The following LEKR1 variants were observed in gnomAD, a reference collection of about 807,000 sequenced individuals.
LEKR1 encodes leucine, glutamate and lysine rich 1, also known as protein LEKR1.
Under a neutral mutation model 72.4 loss-of-function variants are expected in LEKR1, and 59 were observed. The ratio of observed to expected loss-of-function variants is 0.82; its 90% CI spans 0.66 to 1.01. LEKR1 has a LOEUF of 1.01. LEKR1 is among the 50% of genes least tolerant of loss of function. The pLI is 0.00. For synonymous variants in LEKR1, 257 were observed against 263.2 expected (o/e 0.98, Z 0.23); for missense variants, 728 against 759.2 (o/e 0.96, Z 0.48).
Position 157,045,766 on chromosome 3 carries a change from A to C in LEKR1, c.*16A>C. 1 of 1,601,072 alleles carries C rather than the reference A, an allele frequency of 6.2e-7. No homozygotes were observed. Among genetic ancestry groups the C allele is most frequent in the Non-Finnish European group, 8.5e-7 (1 of 1,177,316 alleles). On this transcript the variant is annotated 3_prime_UTR_variant, in exon 13 of 13. Transcript: ENST00000356539. ...TCAGCAATGATCCAAAATGAGGAGC[A>C]GGAAGCTCCCTACAGCGTGCACGCT...
intron 7 of LEKR1, among the ~76,000 whole-genome samples, chr3:156,983,860 C>T (rs1455879150): frequency 6.6e-6 from 1 of 152,106 alleles, no homozygotes; most frequent in African/African-American, 2.4e-5. Flanking sequence ...GACAAGCAAA[C>T]AGAGGATCTT....
intron 5 of LEKR1, among the ~76,000 whole-genome samples, chr3:156,929,233 C>T (rs1724991983): frequency 6.6e-6 from 1 of 151,542 alleles, no homozygotes; most frequent in South Asian, 2.1e-4. Flanking sequence ...CCCCATTTCC[C>T]ACCACCCTAC....
At chr3:157,005,137 T>A (rs80026619) in intron 9 of LEKR1, among the ~76,000 whole-genome samples, 1,751 of 152,164 alleles carry the variant, frequency 0.012, 37 homozygotes, top group African/African-American at 0.04. Context: ...AAGATGATAA[T>A]ACAGAAATAT....
intron 12 of LEKR1, among the ~76,000 whole-genome samples, chr3:157,035,405 G>T (rs541519138): frequency 2.5e-4 from 38 of 152,224 alleles, no homozygotes; most frequent in African/African-American, 9.1e-4. Context: ...AATACCAGGG[G>T]TTTACTCTCT....
intron 12 of LEKR1, among the ~76,000 whole-genome samples, chr3:157,044,379 A>G (rs868529734): frequency 6.6e-6 from 1 of 152,252 alleles, no homozygotes; most frequent in Non-Finnish European, 1.5e-5. Flanking sequence ...TGAATTCCAT[A>G]GACAAAACAT....
chr3:157,022,458 G>T (rs1230872973), intron 10 of LEKR1, among the ~76,000 whole-genome samples: 1 of 152,154 alleles, frequency 6.6e-6, no homozygotes, highest in East Asian at 1.9e-4. Flanking sequence ...GAGACATAGA[G>T]AAATGGATGC....
At chr3:156,988,444 C>T in intron 7 of LEKR1, 1 of 204,816 alleles carries the variant, frequency 4.9e-6, no homozygotes, top group African/African-American at 2.3e-5. Flanking sequence ...GGCTTTTTCC[C>T]TTGCTTTCTC....
intron 3 of LEKR1, among the ~76,000 whole-genome samples, chr3:156,865,694 G>C (rs1417221890): frequency 6.6e-6 from 1 of 151,902 alleles, no homozygotes; most frequent in Non-Finnish European, 1.5e-5. Context: ...TCTGTCATAG[G>C]TTCATGTTTT....
rs1273539848 is a variant in LEKR1 at position 157,028,450 on chromosome 3, T to A, written c.1668+48T>A. On this transcript the variant is annotated intron_variant, in intron 12 of 12. Coordinates refer to ENST00000356539, the MANE Select transcript of LEKR1 (RefSeq NM_001004316.3). ...TTTGCAATTAATCAAAGAGCACATG[T>A]TCTTTCAACAAACAAACAAAAACGT... 4.8e-6 allele frequency: 7 copies of A among 1,456,470 alleles called. No homozygotes were observed. In the South Asian group the frequency reaches 9.6e-5, roughly 20 times the overall value. The allele number at this position is 1,456,470 out of a possible 1,614,324, so 90.2% of individuals were successfully genotyped here. A position where few individuals can be genotyped will look rare whatever the true frequency, so the allele number is the denominator to read the frequency against.
chr3:156,933,301 T>C (rs1725416919), intron 5 of LEKR1, among the ~76,000 whole-genome samples: 1 of 152,204 alleles, frequency 6.6e-6, no homozygotes, highest in Admixed American at 6.5e-5. Context: ...TATGTTTTTG[T>C]TATTTTTTGG....
At chr3:156,881,013 G>A (rs1386390915) in intron 3 of LEKR1, among the ~76,000 whole-genome samples, 14 of 152,080 alleles carry the variant, frequency 9.2e-5, no homozygotes, top group African/African-American at 3.4e-4. Flanking sequence ...AATCATAAGA[G>A]CTATCTATGA....
chr3:157,027,040 A>G (rs1734235331), intron 11 of LEKR1, among the ~76,000 whole-genome samples: 1 of 152,202 alleles, frequency 6.6e-6, no homozygotes, highest in Non-Finnish European at 1.5e-5. Flanking sequence ...AAAAGTTTCC[A>G]TTAAATTAAT....
chr3:156,888,237 T>C (rs760494261), intron 3 of LEKR1: 1 of 682,998 alleles, frequency 1.5e-6, no homozygotes, highest in Non-Finnish European at 2.7e-6. Flanking sequence ...GTCAACACTT[T>C]TATTTAAAAG....
chr3:156,875,603 C>T (rs1718461075), intron 3 of LEKR1, among the ~76,000 whole-genome samples: 2 of 152,094 alleles, frequency 1.3e-5, no homozygotes, highest in Admixed American at 1.3e-4. Context: ...TTAATGACTA[C>T]ACCAACATCT....
chr3:156,919,552 A>G (rs955569790), intron 3 of LEKR1, among the ~76,000 whole-genome samples: 1 of 152,180 alleles, frequency 6.6e-6, no homozygotes, highest in African/African-American at 2.4e-5. Context: ...CCTGTTATTC[A>G]CAGCTGAATG....
At chr3:157,019,072 T>C (rs1171944237) in intron 10 of LEKR1, among the ~76,000 whole-genome samples, 1 of 152,222 alleles carries the variant, frequency 6.6e-6, no homozygotes, top group African/African-American at 2.4e-5. Flanking sequence ...GTATTCATTT[T>C]TAAGTTTTGT....
At chr3:156,839,867 T>C (rs1713667744) in intron 2 of LEKR1, among the ~76,000 whole-genome samples, 1 of 152,064 alleles carries the variant, frequency 6.6e-6, no homozygotes, top group Non-Finnish European at 1.5e-5. Flanking sequence ...TTTAGAGAAA[T>C]GAAAAAGCAA....
intron 3 of LEKR1, among the ~76,000 whole-genome samples, chr3:156,861,809 A>G (rs1478691394): frequency 6.6e-6 from 1 of 152,090 alleles, no homozygotes; most frequent in East Asian, 1.9e-4. Context: ...AGGAACCTAA[A>G]CAAGCTTATT....
rs773312682 is a variant in LEKR1, at chr3:157,011,471, C to T, written c.1168C>T (p.Gln390Ter). 162 of 1,612,854 alleles carry T rather than the reference C, an allele frequency of 1.0e-4. No individual in the cohort carries two copies. Among genetic ancestry groups the T allele is most frequent in the Non-Finnish European group, 1.3e-4 (152 of 1,179,156 alleles). Residue 390 changes from glutamine to a stop codon, truncating the protein, a stop_gained, in exon 10 of 13, where the codon CAG becomes TAG. Coordinates refer to ENST00000356539, the MANE Select transcript of LEKR1 (RefSeq NM_001004316.3). LOFTEE classifies it high-confidence loss of function. Reference sequence around the variant, plus strand: ...CGAGCAGCTGCAAGAAACCCTTAGACAGAAGCTGCTGAGTGATGATAACTG... The same window carrying T: ...CGAGCAGCTGCAAGAAACCCTTAGATAGAAGCTGCTGAGTGATGATAACTG... ...SIEQLQETLR[Q>*]KLLSDDNWKE... is the part of the protein sequence containing the mutation.
Sources: gnomAD v4.1 joint callset for allele counts (sites outside exome capture counted in the v4.1 genomes callset) on GRCh38, gnomAD v4.1.1 for gene constraint, MANE v1.5 for transcripts, NCBI Gene and HGNC (gene_info 2026-07-23, HGNC 2026-07-21) for gene names.